SHROOM3: variants seen among roughly 807,000 people sequenced by gnomAD.
SHROOM3 encodes shroom family member 3.
In SHROOM3, 47 loss-of-function variants were observed where a neutral mutation model predicts 138.6. That is an observed-to-expected ratio of 0.34 (90% CI 0.27 to 0.43). SHROOM3 has a LOEUF of 0.43. Among genes scored for constraint, SHROOM3 ranks in the 20% least tolerant of loss-of-function variants. The probability of loss-of-function intolerance (pLI) is 1.00; values close to 1 mark genes in which losing one functional copy is unlikely to be tolerated. For synonymous variants in SHROOM3, 1,062 were observed against 1,063.3 expected (o/e 1.00, Z 0.02); for missense variants, 2,491 against 2,596.5 (o/e 0.96, Z 0.88).
chr4:76,709,773 C>T (rs1040274313), intron 2 of SHROOM3: 1 of 279,788 alleles, frequency 3.6e-6, no homozygotes, highest in Non-Finnish European at 6.9e-6. Flanking sequence ...TTTCAAACCA[C>T]CTCGTTTGAC....
chr4:76,506,794 ATCT>A (rs1459677239), intron 1 of SHROOM3, among the ~76,000 whole-genome samples: 5 of 152,144 alleles, frequency 3.3e-5, no homozygotes, highest in Non-Finnish European at 7.4e-5. Flanking sequence ...TGTTTTATGG[ATCT>A]TCTTCATTTT....
At chr4:76,699,693 G>C (rs1719849635) in intron 2 of SHROOM3, among the ~76,000 whole-genome samples, 1 of 152,156 alleles carries the variant, frequency 6.6e-6, no homozygotes, top group South Asian at 2.1e-4. Flanking sequence ...CTTGTTGCAT[G>C]TTCTCTTTCT....
intron 3 of SHROOM3, among the ~76,000 whole-genome samples, chr4:76,718,731 T>C (rs1447456904): frequency 1.3e-5 from 2 of 152,220 alleles, no homozygotes; most frequent in South Asian, 2.1e-4. Context: ...GATTTGCTTT[T>C]GTTTAATGGA....
At chr4:76,517,641 A>AT (rs1732470763) in intron 1 of SHROOM3, among the ~76,000 whole-genome samples, 1 of 151,514 alleles carries the variant, frequency 6.6e-6, no homozygotes, top group Non-Finnish European at 1.5e-5. Context: ...ATATATATAT[A>AT]AAGGGGATGT....
At chr4:76,716,258 A>G (rs948226497) in intron 3 of SHROOM3, 16 of 511,500 alleles carry the variant, frequency 3.1e-5, no homozygotes, top group East Asian at 5.5e-5. Context: ...AGGCCGTCCA[A>G]CTGGAGGCAC....
chr4:76,524,891 C>G (rs1235438049), intron 1 of SHROOM3, among the ~76,000 whole-genome samples: 1 of 152,124 alleles, frequency 6.6e-6, no homozygotes, highest in Non-Finnish European at 1.5e-5. Context: ...GTAGGCATGC[C>G]AGGACCTAGG....
At chr4:76,441,086 G>GTTTTTTGTTT (rs1553913334) in intron 1 of SHROOM3, among the ~76,000 whole-genome samples, 2 of 82,184 alleles carry the variant, frequency 2.4e-5, no homozygotes, top group African/African-American at 9.4e-5. Flanking sequence ...AGTTCAATTT[G>GTTTTTTGTTT]TTTTTTTTTT....
chr4:76,484,071 A>G (rs1451140141), intron 1 of SHROOM3, among the ~76,000 whole-genome samples: 1 of 152,160 alleles, frequency 6.6e-6, no homozygotes, highest in South Asian at 2.1e-4. Context: ...GCAGCAAACC[A>G]TCATGGAACA....
At chr4:76,505,186 C>T (rs1732185322) in intron 1 of SHROOM3, among the ~76,000 whole-genome samples, 1 of 152,090 alleles carries the variant, frequency 6.6e-6, no homozygotes, top group African/African-American at 2.4e-5. Flanking sequence ...AGTCACACAG[C>T]CAGGCATAAT....
At position 76,746,805 on chromosome 4, in the gene SHROOM3, T is replaced by C. The variant is rs1721450550; in HGVS notation, c.3754-2212T>C. 2.1e-5 allele frequency among the ~76,000 whole-genome samples: 3 copies of C among 145,488 alleles called. No individual in the cohort carries two copies. The South Asian group carries it at 6.3e-4, about 31-fold the overall frequency. ...ACATTATTATTATTATTATTATTAT[T>C]ATTATTATTATTATTATTATTATTA... On this transcript the variant is annotated intron_variant, in intron 5 of 10. Transcript: ENST00000296043.
chr4:76,539,355 G>T (rs548516229), intron 1 of SHROOM3, among the ~76,000 whole-genome samples: 3 of 152,048 alleles, frequency 2.0e-5, no homozygotes, highest in Non-Finnish European at 2.9e-5. Context: ...TCTAGGGATG[G>T]TTGAAATTAT....
At chr4:76,776,084 T>A (rs1268796740) in intron 10 of SHROOM3, among the ~76,000 whole-genome samples, 1 of 152,136 alleles carries the variant, frequency 6.6e-6, no homozygotes, top group South Asian at 2.1e-4. Context: ...CTAGTTTACA[T>A]CCCCACCAGC....
At chr4:76,601,616 T>C (rs1267999700) in intron 2 of SHROOM3, among the ~76,000 whole-genome samples, 1 of 152,204 alleles carries the variant, frequency 6.6e-6, no homozygotes, top group East Asian at 1.9e-4. Context: ...GCGATTCTCC[T>C]GCGTCAGCCT....
chr4:76,687,344 G>A (rs1359316067), intron 2 of SHROOM3, among the ~76,000 whole-genome samples: 1 of 152,146 alleles, frequency 6.6e-6, no homozygotes. Context: ...ATTCTAATGT[G>A]ATGCATTATT....
At position 76,741,504 on chromosome 4, in the gene SHROOM3, C is replaced by A; in HGVS notation, c.3331C>A (p.Pro1111Thr). The A allele has an allele frequency of 6.4e-7, 1 of 1,555,144 alleles. No homozygotes were observed. The highest frequency in any genetic ancestry group is 1.2e-5 in the South Asian group (1 of 85,162). ...CGGCTGCAGCCTCCAGGAGCCCGGG[C>A]CACTGCGTGAGCGCGCCCAGAGTGC... ...AAGCSLQEPG[P>T]LRERAQSAYL... The change falls in exon 5 of 11, where the codon CCA (proline) becomes ACA (threonine). Residue 1111 changes from proline (P) to threonine (T), a missense_variant. Coordinates refer to ENST00000296043, the MANE Select transcript of SHROOM3 (RefSeq NM_020859.4). This position sits in a 1 kb window ranked among gnomAD's most constrained non-coding sequence, Gnocchi z 6.2.
intron 1 of SHROOM3, among the ~76,000 whole-genome samples, chr4:76,547,543 A>G (rs1038694922): frequency 1.3e-5 from 2 of 152,200 alleles, no homozygotes; most frequent in South Asian, 2.1e-4. Context: ...GGCGTCGGGG[A>G]TACAGCAGTA....
At position 76,779,427 on chromosome 4, in the gene SHROOM3, T is replaced by C. The variant is rs988262220; in HGVS notation, c.*250T>C. The C allele has an allele frequency of 1.1e-5, 5 of 461,158 alleles. No individual in the cohort carries two copies. The highest frequency in any genetic ancestry group is 1.5e-5 in the Non-Finnish European group (4 of 260,316). 28.6% of individuals were successfully genotyped at this position (461,158 alleles called of 1,614,324 possible). Reference sequence around the variant, plus strand: ...TACTTTGTAGTAGAAAGAAAGTTAATGAAACTGAGAACTGATTGGAGGGTG... The same window carrying C: ...TACTTTGTAGTAGAAAGAAAGTTAACGAAACTGAGAACTGATTGGAGGGTG... On this transcript the variant is annotated 3_prime_UTR_variant, in exon 11 of 11. Coordinates refer to ENST00000296043, the MANE Select transcript of SHROOM3 (RefSeq NM_020859.4).
At chr4:76,680,287 CCCA>C (rs1719154482) in intron 2 of SHROOM3, among the ~76,000 whole-genome samples, 1 of 151,964 alleles carries the variant, frequency 6.6e-6, no homozygotes, top group Non-Finnish European at 1.5e-5. Flanking sequence ...ACTACAGGCG[CCCA>C]CCACCACGCC....
chr4:76,710,499 G>C (rs997240469), intron 3 of SHROOM3, among the ~76,000 whole-genome samples: 12 of 152,152 alleles, frequency 7.9e-5, no homozygotes, highest in Non-Finnish European at 1.3e-4. Flanking sequence ...AGGTTCTAAA[G>C]AACTGTAAAG....
Sources: allele counts gnomAD v4.1 joint callset (sites outside exome capture counted in the v4.1 genomes callset), GRCh38; gene constraint gnomAD v4.1.1; non-coding constraint Gnocchi (gnomAD v3.1); transcripts MANE v1.5; gene names NCBI Gene and HGNC (gene_info 2026-07-23, HGNC 2026-07-21).